TPD52L1: variants seen among roughly 807,000 people sequenced by gnomAD.
The protein encoded by TPD52L1 is tumor protein D53.
TPD52L1 carries 18 observed loss-of-function variants against 28.7 expected under a neutral mutation model. That is an observed-to-expected ratio of 0.63 (90% CI 0.43 to 0.93). The LOEUF (loss-of-function observed/expected upper bound fraction) is 0.93, where lower values mean the gene tolerates loss of function less well. TPD52L1 is among the 40% of genes least tolerant of loss of function. TPD52L1 has a pLI of 0.00. For missense variants in TPD52L1, 203 were observed against 254.8 expected, an observed-to-expected ratio of 0.80 and a Z score of 1.39; for synonymous variants, 75 against 88.8, an observed-to-expected ratio of 0.84 and a Z score of 0.88.
At chr6:125,236,608 A>G (rs1259438052) in intron 3 of TPD52L1, among the ~76,000 whole-genome samples, 1 of 152,236 alleles carries the variant, frequency 6.6e-6, no homozygotes, top group African/African-American at 2.4e-5. Context: ...ATTCTTGAAG[A>G]AATGTGGAAC....
intron 1 of TPD52L1, among the ~76,000 whole-genome samples, chr6:125,188,427 C>A (rs564232076): frequency 2.2e-4 from 33 of 152,232 alleles, no homozygotes; most frequent in African/African-American, 7.7e-4. Context: ...AGTATGTGAA[C>A]ATTTAGATAC....
At chr6:125,195,298 T>C (rs867407667) in intron 1 of TPD52L1, among the ~76,000 whole-genome samples, 1 of 152,328 alleles carries the variant, frequency 6.6e-6, no homozygotes, top group African/African-American at 2.4e-5. Flanking sequence ...AGAAACAAGT[T>C]GTTCTATAAT....
chr6:125,218,340 G>A (rs1472127162), intron 1 of TPD52L1, among the ~76,000 whole-genome samples: 2 of 152,172 alleles, frequency 1.3e-5, no homozygotes, highest in Non-Finnish European at 2.9e-5. Context: ...GTGAAGTCAA[G>A]CATGTTTGCT....
At chr6:125,183,767 C>T (rs17052823) in intron 1 of TPD52L1, among the ~76,000 whole-genome samples, 6,219 of 152,038 alleles carry the variant, frequency 0.041, 370 homozygotes, top group East Asian at 0.33. Context: ...ACCTTTTTTC[C>T]GCAAAGTCCA....
At chr6:125,192,313 A>C (rs899883678) in intron 1 of TPD52L1, among the ~76,000 whole-genome samples, 5 of 147,112 alleles carry the variant, frequency 3.4e-5, no homozygotes, top group African/African-American at 1.2e-4. Flanking sequence ...AACAACAACA[A>C]AAAAAATCTT....
chr6:125,237,847 A>G (rs995689479), intron 3 of TPD52L1, among the ~76,000 whole-genome samples: 5 of 152,036 alleles, frequency 3.3e-5, no homozygotes, highest in African/African-American at 1.2e-4. Flanking sequence ...TTTAGTAGAG[A>G]CAGGGTTTCA....
At chr6:125,155,086 G>C (rs1790032575) in intron 1 of TPD52L1, among the ~76,000 whole-genome samples, 1 of 152,178 alleles carries the variant, frequency 6.6e-6, no homozygotes, top group Non-Finnish European at 1.5e-5. Flanking sequence ...AACCTTACTC[G>C]TTTGTTCCAT....
At chr6:125,229,980 G>A (rs1049123140) in intron 3 of TPD52L1, among the ~76,000 whole-genome samples, 2 of 152,058 alleles carry the variant, frequency 1.3e-5, no homozygotes, top group East Asian at 1.9e-4. Context: ...CCAGCTACTC[G>A]GGAGGCTGAG....
At chr6:125,241,451 G>A (rs1194856119) in intron 3 of TPD52L1, among the ~76,000 whole-genome samples, 1 of 151,900 alleles carries the variant, frequency 6.6e-6, no homozygotes, top group Non-Finnish European at 1.5e-5. Flanking sequence ...TATGGCCCTG[G>A]ACTTTTTTTT....
chr6:125,245,890 C>T (rs1237932840), intron 3 of TPD52L1, among the ~76,000 whole-genome samples: 1 of 152,218 alleles, frequency 6.6e-6, no homozygotes, highest in Non-Finnish European at 1.5e-5. Flanking sequence ...ACCTGTCTGC[C>T]CACAGTGTTG....
chr6:125,202,338 T>C (rs1793844809), intron 1 of TPD52L1, among the ~76,000 whole-genome samples: 1 of 152,230 alleles, frequency 6.6e-6, no homozygotes. Context: ...CTCAGCACTT[T>C]ATAAGATCAG....
intron 6 of TPD52L1, among the ~76,000 whole-genome samples, chr6:125,260,536 G>T (rs922059233): frequency 2.0e-5 from 3 of 152,188 alleles, no homozygotes; most frequent in Non-Finnish European, 4.4e-5. Context: ...CAGGCCTGGT[G>T]GCTCACGCCT....
At position 125,261,010 on chromosome 6, in the gene TPD52L1, GAAAGAAAGA is replaced by G. The variant is rs1797993215; in HGVS notation, c.487-1816_487-1808del. 15 of 27,474 alleles carry G rather than the reference GAAAGAAAGA, an allele frequency of 5.5e-4. 1 individual carries two copies. The highest frequency in any genetic ancestry group is 2.3e-3 in the African/African-American group (12 of 5,302). 1.7% of individuals were successfully genotyped at this position (27,474 alleles called of 1,614,324 possible). Reference sequence around the variant, plus strand: ...AGAAAGAAAGAAAGAAAGAAAGAAAGAAAGAAAGAAAAGAAAAGAAAGAAAGAAAGAAAG... The same window carrying G: ...AGAAAGAAAGAAAGAAAGAAAGAAAGAAAGAAAAGAAAGAAAGAAAGAAAG... On this transcript the variant is annotated intron_variant, in intron 6 of 6. Transcript: ENST00000534000.
Position 125,153,817 on chromosome 6 carries a change from G to C in TPD52L1, c.-135G>C, listed in dbSNP as rs919565421. ...TGCCTGCGTCCCCAACCCCCTCCGCGCAGCGCTCGCGACACGCGTGCCAGG... is the reference window on the plus strand; with the variant it reads ...TGCCTGCGTCCCCAACCCCCTCCGCCCAGCGCTCGCGACACGCGTGCCAGG... On this transcript the variant is annotated 5_prime_UTR_variant, in exon 1 of 7. Coordinates refer to ENST00000534000, the MANE Select transcript of TPD52L1 (RefSeq NM_003287.4). 7 of 1,039,104 alleles carry C rather than the reference G, an allele frequency of 6.7e-6. No homozygotes were observed. The Admixed American group carries it at 2.1e-4, about 31-fold the overall frequency. The allele number at this position is 1,039,104 out of a possible 1,614,324, so 64.4% of individuals were successfully genotyped here.
At chr6:125,206,364 T>C (rs1794140601) in intron 1 of TPD52L1, among the ~76,000 whole-genome samples, 1 of 152,146 alleles carries the variant, frequency 6.6e-6, no homozygotes, top group Non-Finnish European at 1.5e-5. Flanking sequence ...AGTGGTAAGG[T>C]ATCTAGTAAT....
At chr6:125,198,674 T>C (rs1041146835) in intron 1 of TPD52L1, among the ~76,000 whole-genome samples, 1 of 152,218 alleles carries the variant, frequency 6.6e-6, no homozygotes, top group Non-Finnish European at 1.5e-5. Flanking sequence ...GCCTAACACA[T>C]TGTGAACACA....
intron 1 of TPD52L1, among the ~76,000 whole-genome samples, chr6:125,190,819 T>C (rs928274780): frequency 6.6e-6 from 1 of 152,298 alleles, no homozygotes; most frequent in African/African-American, 2.4e-5. Flanking sequence ...GCTCAGGCTG[T>C]AATGCAAGCA....
intron 3 of TPD52L1, among the ~76,000 whole-genome samples, chr6:125,241,779 G>A (rs538259521): frequency 2.2e-4 from 33 of 149,082 alleles, no homozygotes; most frequent in African/African-American, 7.1e-4. Context: ...TCAGCTTTTT[G>A]TTTCATTTAA....
At chr6:125,179,607 G>A (rs542308803) in intron 1 of TPD52L1, among the ~76,000 whole-genome samples, 33 of 152,222 alleles carry the variant, frequency 2.2e-4, no homozygotes, top group Admixed American at 5.9e-4. Flanking sequence ...TAATATGAGC[G>A]GTACCACTGT....
Sources: gnomAD v4.1 joint callset for allele counts (sites outside exome capture counted in the v4.1 genomes callset) on GRCh38, gnomAD v4.1.1 for gene constraint, MANE v1.5 for transcripts, NCBI Gene and HGNC (gene_info 2026-07-23, HGNC 2026-07-21) for gene names.